The following SLC35E4 variants were observed in gnomAD, a reference collection of about 807,000 sequenced individuals.
SLC35E4 encodes solute carrier family 35, member E4.
SLC35E4 carries 15 observed loss-of-function variants against 19.3 expected under a neutral mutation model. That is an observed-to-expected ratio of 0.78 (90% CI 0.52 to 1.20). The LOEUF is 1.20. Among genes scored for constraint, SLC35E4 ranks in the 50% most tolerant of loss-of-function variants. The pLI, the probability that SLC35E4 is intolerant of heterozygous loss-of-function variation, is 0.00. For synonymous variants in SLC35E4, 219 were observed against 219.9 expected, an observed-to-expected ratio of 1.00 and a Z score of 0.04; for missense variants, 406 against 472.3, an observed-to-expected ratio of 0.86 and a Z score of 1.30.
chr22:30,647,184 G>A lies in SLC35E4; in HGVS notation c.*153G>A. Reference sequence around the variant, plus strand: ...AGTCCGAGGTGGGTGGATCACCTGAGGCCAGGAGTTCGAGACCAGCCTGGC... The same window carrying A: ...AGTCCGAGGTGGGTGGATCACCTGAAGCCAGGAGTTCGAGACCAGCCTGGC... On this transcript the variant is annotated 3_prime_UTR_variant, in exon 2 of 2. Transcript: ENST00000343605. The A allele has an allele frequency of 1.1e-6, 1 of 948,466 alleles. No individual in the cohort carries two copies. The highest frequency in any genetic ancestry group is 1.5e-6 in the Non-Finnish European group (1 of 658,958). The allele number at this position is 948,466 out of a possible 1,614,324, so 58.8% of individuals were successfully genotyped here. A position where few individuals can be genotyped will look rare whatever the true frequency, so the allele number is the denominator to read the frequency against.
intron 1 of SLC35E4, among the ~76,000 whole-genome samples, chr22:30,637,968 T>A (rs980431801): frequency 3.9e-5 from 6 of 152,150 alleles, no homozygotes; most frequent in African/African-American, 1.4e-4. Flanking sequence ...TACTGGGAGC[T>A]ACAGTGTGAC....
At position 30,636,399 on chromosome 22, in the gene SLC35E4, C is replaced by T. The variant is rs1362181885; in HGVS notation, c.-52C>T. 8 of 1,441,588 alleles carry T rather than the reference C, an allele frequency of 5.5e-6. No homozygotes were observed. The highest frequency in any genetic ancestry group is 6.4e-6 in the Non-Finnish European group (7 of 1,097,596). The allele number at this position is 1,441,588 out of a possible 1,614,324, so 89.3% of individuals were successfully genotyped here. The stretch of plus-strand genomic sequence containing the variant: ...GCCCCAAGCGGAACTCTCTGGTGGC[C>T]CAGAGGTCGTCACTGGGGAGCCCGC... On this transcript the variant is annotated 5_prime_UTR_variant, in exon 1 of 2. Coordinates refer to ENST00000343605, the MANE Select transcript of SLC35E4 (RefSeq NM_001001479.4).
intron 1 of SLC35E4, among the ~76,000 whole-genome samples, chr22:30,645,595 C>CAAAA (rs1157239877): frequency 4.9e-5 from 4 of 82,120 alleles, no homozygotes; most frequent in Non-Finnish European, 7.8e-5. Context: ...ACTCTGTCTC[C>CAAAA]AAAAAAAAAA....
intron 1 of SLC35E4, among the ~76,000 whole-genome samples, chr22:30,642,184 A>AT (rs1419518408): frequency 6.8e-6 from 1 of 147,954 alleles, no homozygotes; most frequent in African/African-American, 2.5e-5. Context: ...TAATTTTTGT[A>AT]TTTTTTGTAG....
At chr22:30,662,231 C>A (rs1231426025) in exon 3 of SLC35E4, 1 of 152,154 alleles carries the variant, frequency 6.6e-6, no homozygotes, top group African/African-American at 2.4e-5. Flanking sequence ...GGCACTATGC[C>A]AAGAAATTGT....
chr22:30,637,152 T>A, intron 1 of SLC35E4, 83 bp downstream of exon 1: 1 of 1,491,992 alleles, frequency 6.7e-7, no homozygotes, highest in Non-Finnish European at 8.9e-7. Context: ...GTATGGCTGT[T>A]GTCCCATTTT....
chr22:30,637,384 TCTTCTG>T (rs1390923261), intron 1 of SLC35E4, among the ~76,000 whole-genome samples: 1 of 152,196 alleles, frequency 6.6e-6, no homozygotes, highest in Non-Finnish European at 1.5e-5. Flanking sequence ...TTCAAGTGAT[TCTTCTG>T]CCTCAGCCTC....
chr22:30,667,978 T>C (rs2088744468), downstream of SLC35E4: 1 of 152,974 alleles, frequency 6.5e-6, no homozygotes, highest in African/African-American at 2.4e-5. Flanking sequence ...TAACTCCAGG[T>C]CTGCGCGCGT....
rs1004058131 is a variant in SLC35E4 at position 30,647,520 on chromosome 22, C to G, written c.*489C>G. 4.5e-5 allele frequency: 7 copies of G among 156,892 alleles called. No homozygotes were observed. Among genetic ancestry groups the G allele is most frequent in the Admixed American group, 1.9e-4 (3 of 15,856 alleles). 9.7% of individuals were successfully genotyped at this position (156,892 alleles called of 1,614,324 possible). On this transcript the variant is annotated 3_prime_UTR_variant, in exon 2 of 2. Transcript: ENST00000343605. The stretch of plus-strand genomic sequence containing the variant: ...GAATGGGGACTCCCAGGGAGACCTG[C>G]GTTCCATCCCTGCCTGCCTCACCCC...
chr22:30,639,501 G>A (rs2088002643), intron 1 of SLC35E4, among the ~76,000 whole-genome samples: 3 of 152,054 alleles, frequency 2.0e-5, no homozygotes, highest in Non-Finnish European at 4.4e-5. Context: ...GAATTTCCTC[G>A]TCCTAATAAG....
At chr22:30,641,701 G>A (rs969823829) in intron 1 of SLC35E4, among the ~76,000 whole-genome samples, 10 of 145,676 alleles carry the variant, frequency 6.9e-5, no homozygotes, top group African/African-American at 2.3e-4. Flanking sequence ...TCATGCCACC[G>A]TCCTGGCTAA....
chr22:30,659,885 G>C (rs1020883857), intron 2 of SLC35E4, among the ~76,000 whole-genome samples: 1 of 152,204 alleles, frequency 6.6e-6, no homozygotes, highest in African/African-American at 2.4e-5. Flanking sequence ...AGAAGGAAAA[G>C]TTAGAAGTAT....
Position 30,640,101 on chromosome 22 carries a change from A to T in SLC35E4, c.619+3032A>T, listed in dbSNP as rs10428024. On this transcript the variant is annotated intron_variant, in intron 1 of 1. Coordinates refer to ENST00000343605, the MANE Select transcript of SLC35E4 (RefSeq NM_001001479.4). ...ATCCACGTTCTTCTGCAATGGCTTC[A>T]GCTGGTCCCTCCGTTTGGGGTCCCT... 1.5e-3 allele frequency among the ~76,000 whole-genome samples: 230 copies of T among 152,318 alleles called. 5 individuals are homozygous for T. The East Asian group carries it at 0.035, about 23-fold the overall frequency.
chr22:30,666,660 G>T (rs952419125), downstream of SLC35E4: 4 of 138,740 alleles, frequency 2.9e-5, no homozygotes, highest in African/African-American at 1.1e-4. Flanking sequence ...ATCTCTATCA[G>T]GCACTGTATT....
chr22:30,637,261 C>T (rs1051939644), intron 1 of SLC35E4, among the ~76,000 whole-genome samples, 192 bp downstream of exon 1: 1 of 152,186 alleles, frequency 6.6e-6, no homozygotes, highest in Non-Finnish European at 1.5e-5. Context: ...GACTCAGGCT[C>T]TGGAGGCCCA....
At chr22:30,660,731 A>C (rs1417277533) in intron 2 of SLC35E4, among the ~76,000 whole-genome samples, 1 of 152,246 alleles carries the variant, frequency 6.6e-6, no homozygotes, top group East Asian at 1.9e-4. Context: ...ACAAGGAGAA[A>C]ATCTTAAAAA....
chr22:30,653,116 C>T (rs763620541), intron 2 of SLC35E4, among the ~76,000 whole-genome samples: 9 of 152,226 alleles, frequency 5.9e-5, no homozygotes, highest in Non-Finnish European at 1.0e-4. Context: ...ACAGCATGCA[C>T]TTAGTAAATG....
chr22:30,644,168 A>T (rs2088090692), intron 1 of SLC35E4, among the ~76,000 whole-genome samples: 1 of 152,244 alleles, frequency 6.6e-6, no homozygotes, highest in Non-Finnish European at 1.5e-5. Context: ...TGCGAGCAGG[A>T]GGCATTCTGA....
At chr22:30,641,990 C>A (rs1469801128) in intron 1 of SLC35E4, among the ~76,000 whole-genome samples, 8 of 152,032 alleles carry the variant, frequency 5.3e-5, no homozygotes, top group Non-Finnish European at 4.4e-5. Context: ...GAGGAACAGA[C>A]TTGAGCCAGG....
Sources: gnomAD v4.1 joint callset for allele counts (sites outside exome capture counted in the v4.1 genomes callset) on GRCh38, gnomAD v4.1.1 for gene constraint, MANE v1.5 for transcripts, NCBI Gene and HGNC (gene_info 2026-07-23, HGNC 2026-07-21) for gene names.